The following RBM20 variants were observed in gnomAD, a reference collection of about 807,000 sequenced individuals.
RBM20 encodes RNA-binding protein 20.
A neutral mutation model predicts 110.1 loss-of-function variants in RBM20; 51 were observed. The observed-to-expected ratio is 0.46, with a 90% CI of 0.37 to 0.59. The LOEUF is 0.59. Ranked by LOEUF, RBM20 falls within the 20% of genes least tolerant of loss-of-function variation. The pLI is 0.00. For missense variants in RBM20, 1,512 were observed against 1,574.9 expected, an observed-to-expected ratio of 0.96 and a Z score of 0.68; for synonymous variants, 589 against 618.2, an observed-to-expected ratio of 0.95 and a Z score of 0.70.
intron 5 of RBM20, among the ~76,000 whole-genome samples, chr10:110,792,552 CCA>C (rs1299357053): frequency 6.6e-6 from 1 of 152,136 alleles, no homozygotes; most frequent in African/African-American, 2.4e-5. Flanking sequence ...AGTAACTGGC[CCA>C]CAGTTAGTCA....
chr10:110,811,771 G>A (rs1156324859), intron 8 of RBM20, among the ~76,000 whole-genome samples: 3 of 152,148 alleles, frequency 2.0e-5, no homozygotes, highest in Non-Finnish European at 4.4e-5. Flanking sequence ...AAAACTGGAG[G>A]CTAAGAGGTT....
chr10:110,671,266 A>G (rs544929144), intron 1 of RBM20, among the ~76,000 whole-genome samples: 1 of 152,388 alleles, frequency 6.6e-6, no homozygotes, highest in Admixed American at 6.5e-5. Context: ...TCAATACTAT[A>G]GTAATGGCTT....
intron 12 of RBM20, among the ~76,000 whole-genome samples, chr10:110,825,429 C>T (rs1435350089): frequency 6.6e-6 from 1 of 152,066 alleles, no homozygotes; most frequent in African/African-American, 2.4e-5. Context: ...GTAACAAATT[C>T]AAAAAATAAG....
chr10:110,687,798 A>G (rs932820765), intron 1 of RBM20, among the ~76,000 whole-genome samples: 1 of 152,178 alleles, frequency 6.6e-6, no homozygotes, highest in African/African-American at 2.4e-5. Context: ...CTTTACATCA[A>G]TTGTGTCATT....
At chr10:110,686,083 G>C (rs2134867869) in intron 1 of RBM20, among the ~76,000 whole-genome samples, 1 of 152,172 alleles carries the variant, frequency 6.6e-6, no homozygotes, top group Non-Finnish European at 1.5e-5. Context: ...TAATCTCACG[G>C]ACCTTACTTT....
chr10:110,655,207 A>G (rs559710069), intron 1 of RBM20, among the ~76,000 whole-genome samples: 1 of 152,362 alleles, frequency 6.6e-6, no homozygotes, highest in South Asian at 2.1e-4. Context: ...ATCTGAAAGT[A>G]GGTCAAATTT....
intron 9 of RBM20, among the ~76,000 whole-genome samples, chr10:110,816,812 G>A (rs992862072): frequency 6.6e-6 from 1 of 152,190 alleles, no homozygotes; most frequent in Non-Finnish European, 1.5e-5. Flanking sequence ...TGAGAACCAG[G>A]TCAGACCCTG....
At chr10:110,745,839 A>G (rs1008898988) in intron 1 of RBM20, among the ~76,000 whole-genome samples, 3 of 152,240 alleles carry the variant, frequency 2.0e-5, no homozygotes, top group South Asian at 2.1e-4. Flanking sequence ...GGTTTACCAT[A>G]TGGAAATAGC....
At chr10:110,753,477 T>G (rs1292244668) in intron 1 of RBM20, among the ~76,000 whole-genome samples, 1 of 152,234 alleles carries the variant, frequency 6.6e-6, no homozygotes, top group East Asian at 1.9e-4. Context: ...CATTCCTTTT[T>G]GTGTTTCCAG....
At chr10:110,730,330 A>G (rs1424411559) in intron 1 of RBM20, among the ~76,000 whole-genome samples, 2 of 152,254 alleles carry the variant, frequency 1.3e-5, no homozygotes, top group Non-Finnish European at 2.9e-5. Flanking sequence ...AGGTTTAAGA[A>G]CATGCAAATT....
At chr10:110,645,799 G>A (rs1460398951) in intron 1 of RBM20, among the ~76,000 whole-genome samples, 2 of 145,118 alleles carry the variant, frequency 1.4e-5, no homozygotes, top group South Asian at 2.1e-4. Flanking sequence ...GTTGACTGGT[G>A]GAATACTGAG....
chr10:110,752,932 TATATATATATA>T, intron 1 of RBM20, among the ~76,000 whole-genome samples: 1 of 70,832 alleles, frequency 1.4e-5, no homozygotes, highest in Non-Finnish European at 3.1e-5. Flanking sequence ...TATATATATA[TATATATATATA>T]TATTTTTTTT....
chr10:110,767,415 G>C (rs1468562184), intron 1 of RBM20, among the ~76,000 whole-genome samples: 1 of 151,010 alleles, frequency 6.6e-6, no homozygotes, highest in Non-Finnish European at 1.5e-5. Context: ...TCCCGGACGG[G>C]GTGGCTGCCG....
At chr10:110,797,286 C>A (rs139909766) in intron 5 of RBM20, among the ~76,000 whole-genome samples, 1 of 151,590 alleles carries the variant, frequency 6.6e-6, no homozygotes, top group East Asian at 1.9e-4. Flanking sequence ...GAGTGAGACC[C>A]GGTCTCAAAA....
intron 1 of RBM20, among the ~76,000 whole-genome samples, chr10:110,680,938 G>A (rs893345116): frequency 2.0e-5 from 3 of 152,034 alleles, no homozygotes; most frequent in South Asian, 2.1e-4. Flanking sequence ...TTCTTCTTCA[G>A]TCTGTCTCTT....
intron 13 of RBM20, chr10:110,831,523 C>G (rs557836270): frequency 5.1e-6 from 1 of 197,200 alleles, no homozygotes; most frequent in African/African-American, 2.3e-5. Flanking sequence ...CAATATCCAC[C>G]TCTCCCTCTA....
At position 110,784,332 on chromosome 10, in the gene RBM20, C is replaced by G. The variant is rs1564845243; in HGVS notation, c.1338-9C>G. ...TAAGGAGCCGGTTTCCCTTTCTCGC[C>G]CTCTCCAGTGCTGGCATCCGGTGTA... On this transcript the variant is annotated splice_polypyrimidine_tract_variant and intron_variant, in intron 3 of 13. Transcript: ENST00000369519. The G allele has an allele frequency of 1.7e-5, 26 of 1,546,646 alleles. No homozygotes were observed. Among genetic ancestry groups the G allele is most frequent in the Non-Finnish European group, 2.1e-5 (24 of 1,143,170 alleles).
rs184358242 is a variant in RBM20 at position 110,815,455 on chromosome 10, G to A, written c.2550+2508G>A. 3.0e-3 allele frequency among the ~76,000 whole-genome samples: 458 copies of A among 152,348 alleles called. 1 individual carries two copies. Among genetic ancestry groups the A allele is most frequent in the African/African-American group, 0.01 (428 of 41,578 alleles). On this transcript the variant is annotated intron_variant, in intron 9 of 13. Coordinates refer to ENST00000369519, the MANE Select transcript of RBM20 (RefSeq NM_001134363.3). ...GTGTGCCTCACCAAGGACTTGAACT[G>A]GATCCCAAGGACCTGGTGAACCAGT... is the stretch of plus-strand genomic sequence containing the variant.
At chr10:110,822,018 G>T in intron 11 of RBM20, 83 bp downstream of exon 11, 1 of 1,337,402 alleles carries the variant, frequency 7.5e-7, no homozygotes, top group African/African-American at 1.5e-5. Flanking sequence ...GTGCAGGCTG[G>T]AATGAACATA....
Sources: gnomAD v4.1 joint callset for allele counts (sites outside exome capture counted in the v4.1 genomes callset) on GRCh38, gnomAD v4.1.1 for gene constraint, MANE v1.5 for transcripts, NCBI Gene and HGNC (gene_info 2026-07-23, HGNC 2026-07-21) for gene names.